Variants in ACOXL observed in about 807,000 individuals in gnomAD.
ACOXL encodes acyl-CoA oxidase like, also known as acyl-coenzyme A oxidase-like protein.
Under a neutral mutation model 71.9 loss-of-function variants are expected in ACOXL, and 70 were observed. The observed-to-expected ratio is 0.97, with a 90% CI of 0.80 to 1.19. The LOEUF (loss-of-function observed/expected upper bound fraction) is 1.19, where lower values mean the gene tolerates loss of function less well. Ranked by LOEUF, ACOXL falls within the 50% of genes most tolerant of loss-of-function variation. The pLI is 0.00. For synonymous variants in ACOXL, 253 were observed against 281.6 expected, an observed-to-expected ratio of 0.90 and a Z score of 1.02; for missense variants, 703 against 736.3, an observed-to-expected ratio of 0.95 and a Z score of 0.52.
At chr2:110,900,130 CTT>C (rs1558696475) in intron 10 of ACOXL, among the ~76,000 whole-genome samples, 1 of 129,506 alleles carries the variant, frequency 7.7e-6, no homozygotes, top group African/African-American at 2.7e-5. Flanking sequence ...CACACACACA[CTT>C]CTTCTAAAAA....
chr2:111,018,724 G>A (rs2064593981), intron 14 of ACOXL, among the ~76,000 whole-genome samples: 1 of 151,956 alleles, frequency 6.6e-6, no homozygotes, highest in African/African-American at 2.4e-5. Flanking sequence ...GGGTGTTGGT[G>A]GGACTTGGGA....
intron 2 of ACOXL, among the ~76,000 whole-genome samples, chr2:110,778,561 C>T (rs774233786): frequency 3.3e-5 from 5 of 152,154 alleles, no homozygotes; most frequent in African/African-American, 7.2e-5. Flanking sequence ...ACTGGCTGCT[C>T]CTTCACTGAG....
chr2:110,875,389 G>A (rs1016827711), intron 10 of ACOXL, among the ~76,000 whole-genome samples: 3 of 152,178 alleles, frequency 2.0e-5, no homozygotes, highest in East Asian at 1.9e-4. Flanking sequence ...CTGTGTCACC[G>A]CAAGCCACAC....
intron 14 of ACOXL, among the ~76,000 whole-genome samples, chr2:111,012,405 T>C (rs1352532094): frequency 6.6e-6 from 1 of 152,214 alleles, no homozygotes; most frequent in African/African-American, 2.4e-5. Context: ...ACATATTTGC[T>C]TTATTGCAGT....
At chr2:110,858,901 T>C (rs1349628579) in intron 10 of ACOXL, among the ~76,000 whole-genome samples, 1 of 152,256 alleles carries the variant, frequency 6.6e-6, no homozygotes, top group Non-Finnish European at 1.5e-5. Flanking sequence ...CTTCTCATTT[T>C]CCTTCAGTTT....
chr2:110,766,145 G>A (rs185078780), intron 1 of ACOXL, among the ~76,000 whole-genome samples: 1 of 151,948 alleles, frequency 6.6e-6, no homozygotes, highest in East Asian at 1.9e-4. Flanking sequence ...TCTTGGTGTG[G>A]GTATCTGTTG....
chr2:110,903,079 C>G lies in ACOXL; in HGVS notation c.789-5710C>G, dbSNP rs76276755. On this transcript the variant is annotated intron_variant, in intron 10 of 17. Coordinates refer to ENST00000439055, the MANE Select transcript of ACOXL (RefSeq NM_001142807.4). The stretch of plus-strand genomic sequence containing the variant: ...AACAAGTTTGCACCCTAAGAAGTCT[C>G]AGAGTCCAGGGTGAGGCTTAGCCCC... Among the ~76,000 whole-genome samples the G allele has an allele frequency of 8.2e-3, 1,256 of 152,316 alleles. 20 individuals carry two copies. The highest frequency in any genetic ancestry group is 0.029 in the African/African-American group (1,216 of 41,566).
intron 2 of ACOXL, among the ~76,000 whole-genome samples, chr2:110,773,140 A>G (rs985679045): frequency 6.6e-6 from 1 of 152,218 alleles, no homozygotes. Context: ...TCAGAGGGGA[A>G]CTAGTAGAAC....
chr2:111,042,177 C>T (rs1326072610), intron 15 of ACOXL, among the ~76,000 whole-genome samples: 1 of 152,242 alleles, frequency 6.6e-6, no homozygotes, highest in East Asian at 1.9e-4. Context: ...CTGGGACTGG[C>T]CAAACTGGCA....
chr2:110,986,685 G>T (rs2062948656), intron 12 of ACOXL, among the ~76,000 whole-genome samples: 1 of 152,176 alleles, frequency 6.6e-6, no homozygotes, highest in Admixed American at 6.5e-5. Flanking sequence ...TGAAGTAGAG[G>T]ATAGAGATTG....
chr2:111,094,066 A>G (rs2068679652), intron 17 of ACOXL: 1 of 152,424 alleles, frequency 6.6e-6, no homozygotes, highest in African/African-American at 2.4e-5. Flanking sequence ...AGAGGGGAAA[A>G]TGCAGTTGAA....
intron 1 of ACOXL, among the ~76,000 whole-genome samples, chr2:110,741,390 T>G (rs1677515328): frequency 6.6e-6 from 1 of 152,160 alleles, no homozygotes; most frequent in South Asian, 2.1e-4. Flanking sequence ...GGCTGTCTTT[T>G]TTCCTGTCTT....
At chr2:111,114,680 AC>A (rs1245652413) in intron 17 of ACOXL, among the ~76,000 whole-genome samples, 3 of 152,134 alleles carry the variant, frequency 2.0e-5, no homozygotes, top group Non-Finnish European at 4.4e-5. Context: ...TATAGGACTA[AC>A]ACCATGCCAT....
At chr2:110,973,705 C>T (rs74610864) in intron 12 of ACOXL, among the ~76,000 whole-genome samples, 2,711 of 152,244 alleles carry the variant, frequency 0.018, 55 homozygotes, top group Non-Finnish European at 0.027. Context: ...CGTGGAGAGA[C>T]ACTGGGTCAC....
At chr2:110,894,909 T>G (rs920794347) in intron 10 of ACOXL, among the ~76,000 whole-genome samples, 4 of 152,166 alleles carry the variant, frequency 2.6e-5, no homozygotes, top group Admixed American at 1.3e-4. Flanking sequence ...TGCCTGTCAG[T>G]AATGACTCCT....
At chr2:111,093,756 C>T (rs1223288095) in intron 17 of ACOXL, 9 of 423,320 alleles carry the variant, frequency 2.1e-5, no homozygotes, top group Non-Finnish European at 3.8e-5. Flanking sequence ...CCCAGCTACT[C>T]GGGAGGCTGA....
At chr2:111,038,483 T>G (rs977949244) in intron 15 of ACOXL, among the ~76,000 whole-genome samples, 1 of 152,276 alleles carries the variant, frequency 6.6e-6, no homozygotes, top group Non-Finnish European at 1.5e-5. Context: ...TGCAGAGATC[T>G]GGTCTACAGC....
chr2:110,755,701 T>TA (rs1679583713), intron 1 of ACOXL, among the ~76,000 whole-genome samples: 1 of 152,202 alleles, frequency 6.6e-6, no homozygotes, highest in Admixed American at 6.5e-5. Flanking sequence ...ATGAGGAACA[T>TA]ACTCCATCTA....
intron 9 of ACOXL, among the ~76,000 whole-genome samples, chr2:110,817,968 T>C (rs1688111820): frequency 6.6e-6 from 1 of 151,674 alleles, no homozygotes; most frequent in Non-Finnish European, 1.5e-5. Context: ...TTTTTTTTTT[T>C]TTTTAGGGAC....
Sources: gnomAD v4.1 joint callset for allele counts (sites outside exome capture counted in the v4.1 genomes callset) on GRCh38, gnomAD v4.1.1 for gene constraint, MANE v1.5 for transcripts, NCBI Gene and HGNC (gene_info 2026-07-23, HGNC 2026-07-21) for gene names.